XIRP2: variants seen among roughly 807,000 people sequenced by gnomAD.
XIRP2 encodes xin actin-binding repeat-containing protein 2.
In XIRP2, 236 loss-of-function variants were observed where a neutral mutation model predicts 277.0. The observed-to-expected ratio is 0.85, with a 90% CI of 0.77 to 0.95. XIRP2 has a LOEUF of 0.95. Among genes scored for constraint, XIRP2 ranks in the 40% least tolerant of loss-of-function variants. The pLI is 0.00. For synonymous variants in XIRP2, 1,490 were observed against 1,416.5 expected (o/e 1.05, Z -1.17); for missense variants, 4,640 against 4,157.5 (o/e 1.12, Z -3.19).
chr2:167,143,500 T>G (rs760448477), intron 3 of XIRP2, among the ~76,000 whole-genome samples: 1 of 152,138 alleles, frequency 6.6e-6, no homozygotes, highest in Non-Finnish European at 1.5e-5. Flanking sequence ...AAGTAAGCAA[T>G]TTGGAAGAAA....
chr2:167,246,345 A>T lies in XIRP2; in HGVS notation c.4953A>T (p.Lys1651Asn). 1.9e-6 allele frequency: 3 copies of T among 1,612,928 alleles called. No homozygotes were observed. Among genetic ancestry groups the T allele is most frequent in the Non-Finnish European group, 1.7e-6 (2 of 1,179,608 alleles). Reference protein sequence around the residue: ...LNRSTEFHAEKEEIVKGDVQQ... With the variant: ...LNRSTEFHAENEEIVKGDVQQ... Reference sequence around the variant, plus strand: ...GATCAACTGAATTTCATGCTGAAAAAGAAGAGATAGTGAAAGGTGATGTAC... The same window carrying T: ...GATCAACTGAATTTCATGCTGAAAATGAAGAGATAGTGAAAGGTGATGTAC... Residue 1651 changes from lysine (K) to asparagine (N), a missense_variant, in exon 9 of 11, where the codon AAA (lysine) becomes AAT (asparagine). Physicochemically the swap from Lys to Asn is moderately conservative, Grantham distance 94. Coordinates refer to ENST00000409195, the MANE Select transcript of XIRP2 (RefSeq NM_152381.6).
Position 167,135,931 on chromosome 2 carries a change from T to C in XIRP2, c.431T>C (p.Leu144Ser). Residue 144 changes from leucine to serine, a missense_variant, in exon 3 of 11, where the codon TTG becomes TCG. By Grantham distance (145) the Leu-to-Ser change is moderately radical. Transcript: ENST00000409195. ...GGKEVEIERS[L>S]CSPAFKSHPG... is the part of the protein sequence containing the mutation. ...CAGGAAGTGGAAATTGAGCGAAGTT[T>C]GTGCTCGCCAGCTTTTAAGAGTCAC... The C allele has an allele frequency of 6.2e-7, 1 of 1,602,568 alleles. No individual in the cohort carries two copies. Among genetic ancestry groups the C allele is most frequent in the Non-Finnish European group, 8.5e-7 (1 of 1,174,942 alleles).
chr2:167,013,843 T>C (rs1036172580), intron 2 of XIRP2, among the ~76,000 whole-genome samples: 1 of 151,426 alleles, frequency 6.6e-6, no homozygotes, highest in Non-Finnish European at 1.5e-5. Flanking sequence ...TCCAAGGTTT[T>C]TCTTTTGAGA....
At chr2:167,147,221 C>A (rs1691886995) in intron 3 of XIRP2, among the ~76,000 whole-genome samples, 4 of 152,036 alleles carry the variant, frequency 2.6e-5, no homozygotes, top group African/African-American at 9.7e-5. Context: ...CTGAACAAAC[C>A]AACTGCCTAT....
intron 3 of XIRP2, among the ~76,000 whole-genome samples, chr2:167,163,063 T>C (rs146851475): frequency 6.0e-4 from 92 of 152,330 alleles, no homozygotes; most frequent in African/African-American, 2.2e-3. Flanking sequence ...TTGCAATTGA[T>C]ACATTCATTA....
intron 2 of XIRP2, among the ~76,000 whole-genome samples, chr2:167,036,404 C>T (rs1688507956): frequency 1.3e-5 from 2 of 152,112 alleles, no homozygotes; most frequent in Admixed American, 1.3e-4. Flanking sequence ...TGAAGGAGAT[C>T]ATTTTGGAGC....
intron 3 of XIRP2, among the ~76,000 whole-genome samples, chr2:167,192,935 C>T (rs1217121121): frequency 1.3e-5 from 2 of 152,146 alleles, no homozygotes. Context: ...ATATGCTAGT[C>T]CTCTGAGTCC....
At chr2:167,063,660 C>T (rs554018211) in intron 2 of XIRP2, among the ~76,000 whole-genome samples, 1 of 151,828 alleles carries the variant, frequency 6.6e-6, no homozygotes, top group Admixed American at 6.6e-5. Context: ...AAACTGACAC[C>T]TTTTCATTAT....
rs1294225449 is a variant in XIRP2, at chr2:167,249,552, T to G, written c.8160T>G (p.His2720Gln). ...CCATCAAACTTCCAACTCTAGATCATACATTAAATGAAACAGACCACAGCT... is the reference window on the plus strand; with the variant it reads ...CCATCAAACTTCCAACTCTAGATCAGACATTAAATGAAACAGACCACAGCT... ...VKTIKLPTLD[H>Q]TLNETDHSYE... Residue 2720 changes from histidine to glutamine, a missense_variant, in exon 9 of 11, where the codon CAT becomes CAG. Transcript: ENST00000409195. 1 of 1,613,672 alleles carries G rather than the reference T, an allele frequency of 6.2e-7. No homozygotes were observed. Among genetic ancestry groups the G allele is most frequent in the Non-Finnish European group, 8.5e-7 (1 of 1,179,792 alleles).
At position 167,247,082 on chromosome 2, in the gene XIRP2, AAGC is replaced by A; in HGVS notation, c.5691_5693del (p.Lys1897_Ala1898delinsAsn). The A allele has an allele frequency of 6.2e-7, 1 of 1,612,248 alleles. No individual in the cohort carries two copies. Among genetic ancestry groups the A allele is most frequent in the Non-Finnish European group, 8.5e-7 (1 of 1,179,436 alleles). ...GATGCCATCCCTGGTGATATTGAAA[AAGC>A]TATTGAATGCCTTGAAAAAGCTACA... On this transcript the variant is annotated inframe_deletion, in exon 9 of 11. Coordinates refer to ENST00000409195, the MANE Select transcript of XIRP2 (RefSeq NM_152381.6).
chr2:167,174,918 T>C (rs182487153), intron 3 of XIRP2, among the ~76,000 whole-genome samples: 1 of 152,284 alleles, frequency 6.6e-6, no homozygotes, highest in Admixed American at 6.5e-5. Context: ...TAATCTTGAG[T>C]TCTAATTTAA....
At chr2:167,209,609 T>G (rs1693962406) in intron 3 of XIRP2, among the ~76,000 whole-genome samples, 2 of 152,042 alleles carry the variant, frequency 1.3e-5, no homozygotes, top group South Asian at 4.1e-4. Context: ...GAATGAGTGA[T>G]GCATATACAT....
intron 3 of XIRP2, chr2:167,184,480 A>G: frequency 1.5e-6 from 1 of 678,044 alleles, no homozygotes; most frequent in Non-Finnish European, 2.7e-6. Context: ...TCGCTTCTTC[A>G]GTTTTGTTGC....
chr2:166,938,218 T>G (rs1380961268), intron 2 of XIRP2, among the ~76,000 whole-genome samples: 1 of 152,222 alleles, frequency 6.6e-6, no homozygotes, highest in Non-Finnish European at 1.5e-5. Flanking sequence ...TCCTGCTTTC[T>G]CTTGTGGGCA....
In XIRP2 at chr2:167,249,177, G is replaced by A. The variant is rs745398674; in HGVS notation, c.7785G>A (p.Glu2595=). ...TGCCATTACAAAAAACCAATGAGGA[G>A]GTTTCCCTATCTGGAATTGATTCAG... ...KEMPLQKTNE[E]VSLSGIDSEC... The change falls in exon 9 of 11, where the codon GAG becomes GAA. Residue 2595 remains glutamate, a synonymous_variant. Transcript: ENST00000409195. 1.2e-6 allele frequency: 2 copies of A among 1,613,644 alleles called. No homozygotes were observed. The highest frequency in any genetic ancestry group is 2.2e-5 in the East Asian group (1 of 44,834).
chr2:167,022,301 G>A (rs1157631958), intron 2 of XIRP2, among the ~76,000 whole-genome samples: 1 of 151,994 alleles, frequency 6.6e-6, no homozygotes, highest in Non-Finnish European at 1.5e-5. Flanking sequence ...TCATAAAAAA[G>A]TAAAAAGCAG....
intron 2 of XIRP2, among the ~76,000 whole-genome samples, chr2:167,125,846 C>A (rs543325755): frequency 3.5e-4 from 54 of 152,224 alleles, no homozygotes; most frequent in African/African-American, 1.3e-3. Flanking sequence ...AGCTGGAGAG[C>A]CTTACTTGGA....
chr2:167,052,371 T>A (rs1479002780), intron 2 of XIRP2, among the ~76,000 whole-genome samples: 1 of 152,126 alleles, frequency 6.6e-6, no homozygotes, highest in Non-Finnish European at 1.5e-5. Context: ...ATCTCGTTTT[T>A]CGTGTTTCAT....
At chr2:167,240,473 A>G (rs1012157151) in intron 6 of XIRP2, among the ~76,000 whole-genome samples, 191 bp from the exon 7 acceptor site, 2 of 152,174 alleles carry the variant, frequency 1.3e-5, no homozygotes, top group Non-Finnish European at 2.9e-5. Context: ...TCCTCTTCGG[A>G]TGTCAATTCA....
Sources: gnomAD v4.1 joint callset for allele counts (sites outside exome capture counted in the v4.1 genomes callset) on GRCh38, gnomAD v4.1.1 for gene constraint, MANE v1.5 for transcripts, NCBI Gene and HGNC (gene_info 2026-07-23, HGNC 2026-07-21) for gene names.